Variants in PRTFDC1 observed in about 807,000 individuals in gnomAD.
PRTFDC1 encodes phosphoribosyl transferase domain containing 1.
Under a neutral mutation model 34.6 loss-of-function variants are expected in PRTFDC1, and 38 were observed. That is an observed-to-expected ratio of 1.10 (90% CI 0.85 to 1.44). The LOEUF is 1.44. Ranked by LOEUF, PRTFDC1 falls within the 40% of genes most tolerant of loss-of-function variation. The pLI is 0.00. For missense variants in PRTFDC1, 270 were observed against 283.0 expected (o/e 0.95, Z 0.33); for synonymous variants, 93 against 98.1 (o/e 0.95, Z 0.31).
intron 1 of PRTFDC1, among the ~76,000 whole-genome samples, chr10:24,950,236 G>A (rs375212227): frequency 3.9e-5 from 6 of 152,120 alleles, no homozygotes; most frequent in African/African-American, 1.2e-4. Flanking sequence ...AGTATGTTAC[G>A]GTAGTACAAG....
At chr10:24,880,817 T>TTCTTTCTTTC (rs1429985350) in intron 3 of PRTFDC1, among the ~76,000 whole-genome samples, 2 of 55,516 alleles carry the variant, frequency 3.6e-5, no homozygotes, top group Admixed American at 3.3e-4. Context: ...GTCTTTCTCT[T>TTCTTTCTTTC]TCTTTCTTTC....
chr10:24,951,980 G>C (rs776678938), intron 1 of PRTFDC1, among the ~76,000 whole-genome samples: 1 of 152,218 alleles, frequency 6.6e-6, no homozygotes, highest in Non-Finnish European at 1.5e-5. Context: ...GCGTGTCCTA[G>C]AGCTCCTGCA....
intron 4 of PRTFDC1, among the ~76,000 whole-genome samples, chr10:24,862,379 T>C (rs1282041442): frequency 7.1e-6 from 1 of 141,568 alleles, no homozygotes; most frequent in Non-Finnish European, 1.5e-5. Context: ...TTTTTTACAT[T>C]TCTCTTTTTT....
At chr10:24,888,851 G>A (rs984916726) in intron 3 of PRTFDC1, among the ~76,000 whole-genome samples, 4 of 152,076 alleles carry the variant, frequency 2.6e-5, no homozygotes, top group Non-Finnish European at 4.4e-5. Context: ...AGCAGGCAAT[G>A]GTTTCCAGAT....
At chr10:24,939,525 G>A (rs1266647380) in intron 2 of PRTFDC1, among the ~76,000 whole-genome samples, 1 of 151,834 alleles carries the variant, frequency 6.6e-6, no homozygotes, top group Non-Finnish European at 1.5e-5. Context: ...TCACTTTATG[G>A]CTTACACCTA....
chr10:24,875,794 A>T (rs753403683), intron 3 of PRTFDC1, among the ~76,000 whole-genome samples: 1 of 151,422 alleles, frequency 6.6e-6, no homozygotes, highest in Non-Finnish European at 1.5e-5. Flanking sequence ...CCAATTAATT[A>T]ATCTAACTTG....
intron 3 of PRTFDC1, among the ~76,000 whole-genome samples, chr10:24,885,437 G>T (rs533673201): frequency 3.3e-5 from 5 of 152,306 alleles, no homozygotes; most frequent in South Asian, 4.1e-4. Flanking sequence ...GCAGAGTCTT[G>T]CTCTGTTGCC....
At chr10:24,883,021 A>G (rs1848106169) in intron 3 of PRTFDC1, among the ~76,000 whole-genome samples, 1 of 148,912 alleles carries the variant, frequency 6.7e-6, no homozygotes, top group African/African-American at 2.4e-5. Flanking sequence ...AATTACATAT[A>G]TACAAATATG....
intron 3 of PRTFDC1, among the ~76,000 whole-genome samples, chr10:24,901,673 G>T (rs1848452233): frequency 6.6e-6 from 1 of 152,180 alleles, no homozygotes; most frequent in South Asian, 2.1e-4. Context: ...AGGCTGCAGT[G>T]AGCTGTGATT....
At position 24,848,982 on chromosome 10, in the gene PRTFDC1, C is replaced by A. The variant is rs1010582273; in HGVS notation, c.*862G>T. ...AGGACAGGGCATAACAGTGTCTTGT[C>A]CTTTCATGCAAATAAGAGGAAAAAT... On this transcript the variant is annotated 3_prime_UTR_variant, in exon 9 of 9. Transcript: ENST00000320152. 1 of 152,176 alleles carries A rather than the reference C, an allele frequency of 6.6e-6. No homozygotes were observed. The highest frequency in any genetic ancestry group is 1.5e-5 in the Non-Finnish European group (1 of 68,034). The allele number at this position is 152,176 out of a possible 1,614,324, so 9.4% of individuals were successfully genotyped here.
intron 3 of PRTFDC1, among the ~76,000 whole-genome samples, chr10:24,886,283 T>C (rs1848162049): frequency 6.6e-6 from 1 of 152,096 alleles, no homozygotes; most frequent in Non-Finnish European, 1.5e-5. Flanking sequence ...CTAAAACTAC[T>C]CTGAAAAAAT....
chr10:24,900,639 A>C (rs778161009), intron 3 of PRTFDC1, among the ~76,000 whole-genome samples: 1 of 152,212 alleles, frequency 6.6e-6, no homozygotes, highest in African/African-American at 2.4e-5. Flanking sequence ...TATTCTCATC[A>C]AAGTGATTCA....
At chr10:24,854,147 GTTA>G (rs1847536155) in intron 7 of PRTFDC1, among the ~76,000 whole-genome samples, 1 of 152,140 alleles carries the variant, frequency 6.6e-6, no homozygotes, top group Admixed American at 6.6e-5. Context: ...TTTTATTGCT[GTTA>G]TTATAAGTGA....
At chr10:24,927,397 G>C (rs750655953) in intron 3 of PRTFDC1, among the ~76,000 whole-genome samples, 12 of 152,082 alleles carry the variant, frequency 7.9e-5, no homozygotes, top group Non-Finnish European at 1.8e-4. Context: ...TATATGAACT[G>C]ATTCAAACCA....
rs545462364 is a variant in PRTFDC1, at chr10:24,942,571, C to T, written c.49-135G>A. 1.6e-4 allele frequency: 111 copies of T among 698,828 alleles called. 1 individual carries two copies. Among genetic ancestry groups the T allele is most frequent in the Non-Finnish European group, 2.4e-4 (93 of 394,788 alleles). The allele number at this position is 698,828 out of a possible 1,614,324, so 43.3% of individuals were successfully genotyped here. A position where few individuals can be genotyped will look rare whatever the true frequency, so the allele number is the denominator to read the frequency against. On this transcript the variant is annotated intron_variant, in intron 1 of 8. Transcript: ENST00000320152. Reference sequence around the variant, plus strand: ...AGTGGAACAAGGTTATTTGTTTCCACAACCTGATACAAGGCGCAGTACTAA... The same window carrying T: ...AGTGGAACAAGGTTATTTGTTTCCATAACCTGATACAAGGCGCAGTACTAA...
At chr10:24,852,077 C>CTG (rs2132484876) in intron 7 of PRTFDC1, among the ~76,000 whole-genome samples, 1 of 152,080 alleles carries the variant, frequency 6.6e-6, no homozygotes, top group East Asian at 1.9e-4. Flanking sequence ...TTAATGAGCT[C>CTG]CCTACTGAGG....
intron 3 of PRTFDC1, among the ~76,000 whole-genome samples, chr10:24,879,594 C>T (rs767407785): frequency 5.9e-5 from 9 of 151,806 alleles, no homozygotes; most frequent in Non-Finnish European, 1.2e-4. Flanking sequence ...ATGATCTGCC[C>T]GCCTCGGCCT....
chr10:24,902,989 G>T (rs529395580), intron 3 of PRTFDC1, among the ~76,000 whole-genome samples: 1 of 152,208 alleles, frequency 6.6e-6, no homozygotes, highest in African/African-American at 2.4e-5. Context: ...CTGAGGTCAC[G>T]AGTTCGAGAC....
At chr10:24,862,562 A>T (rs559112895) in intron 4 of PRTFDC1, among the ~76,000 whole-genome samples, 12 of 152,118 alleles carry the variant, frequency 7.9e-5, no homozygotes, top group Admixed American at 2.0e-4. Flanking sequence ...TTTAGTAGAG[A>T]TGGGGTTTCA....
Sources: gnomAD v4.1 joint callset for allele counts (sites outside exome capture counted in the v4.1 genomes callset) on GRCh38, gnomAD v4.1.1 for gene constraint, MANE v1.5 for transcripts, NCBI Gene and HGNC (gene_info 2026-07-23, HGNC 2026-07-21) for gene names.